Variants in DYNC2I2 observed in about 807,000 individuals in gnomAD.
DYNC2I2 encodes the protein cytoplasmic dynein 2 intermediate chain 2.
Under a neutral mutation model 52.0 loss-of-function variants are expected in DYNC2I2, and 39 were observed. The ratio of observed to expected loss-of-function variants is 0.75; its 90% CI spans 0.58 to 0.98. The LOEUF is 0.98. Among genes scored for constraint, DYNC2I2 ranks in the 50% least tolerant of loss-of-function variants. The pLI is 0.00. For synonymous variants in DYNC2I2, 359 were observed against 321.1 expected (o/e 1.12, Z -1.26); for missense variants, 743 against 728.4 (o/e 1.02, Z -0.23).
chr9:128,641,275 G>A (rs80010336), intron 1 of DYNC2I2, among the ~76,000 whole-genome samples: 40 of 152,160 alleles, frequency 2.6e-4, no homozygotes, highest in East Asian at 2.1e-3. Flanking sequence ...CTGAAGATGC[G>A]GAGGGCAGGC....
chr9:128,635,539 C>G, intron 5 of DYNC2I2, 119 bp downstream of exon 5: 3 of 975,512 alleles, frequency 3.1e-6, no homozygotes, highest in Non-Finnish European at 4.6e-6. Flanking sequence ...GCGGGAGCTC[C>G]GAGAATGCAG....
the DYNC2I2 span, among the ~76,000 whole-genome samples, chr9:128,667,880 G>A: frequency 3.6e-5 from 5 of 140,652 alleles, no homozygotes; most frequent in East Asian, 2.1e-4. Flanking sequence ...CTACAGGTGC[G>A]TGCCATCATG....
rs1000465960 is a variant in DYNC2I2 at position 128,654,431 on chromosome 9, C to G, written c.186+2110G>C. On this transcript the variant is annotated intron_variant, in intron 1 of 8. Transcript: ENST00000372715. ...CTTACAATACTCTGACAGCCCCCAC[C>G]TGACCTGCCTTTCCTTTCCTTACCC... is the stretch of plus-strand genomic sequence containing the variant. Among the ~76,000 whole-genome samples the G allele has an allele frequency of 1.1e-4, 17 of 152,268 alleles. No individual in the cohort carries two copies. In the South Asian group the frequency reaches 2.3e-3, roughly 20 times the overall value.
the DYNC2I2 span, among the ~76,000 whole-genome samples, chr9:128,672,500 T>TAA: frequency 9.3e-5 from 12 of 128,512 alleles, no homozygotes; most frequent in Admixed American, 2.5e-4. Context: ...ACCCTGTCTC[T>TAA]AAAAAAAAAA....
chr9:128,668,523 C>CT, the DYNC2I2 span, among the ~76,000 whole-genome samples: 1 of 140,824 alleles, frequency 7.1e-6, no homozygotes, highest in Non-Finnish European at 1.5e-5. Context: ...TGAGACCATT[C>CT]TAAAAAAAAA....
At position 128,633,937 on chromosome 9, in the gene DYNC2I2, G is replaced by A. The variant is rs776239183; in HGVS notation, c.1418C>T (p.Thr473Ile). The A allele has an allele frequency of 1.2e-6, 2 of 1,612,968 alleles. No individual in the cohort carries two copies. The highest frequency in any genetic ancestry group is 1.6e-4 in the Middle Eastern group (1 of 6,062). ...FDLQKSSQKP[T>I]VLIKQTQDES... is the part of the protein sequence containing the mutation. ...ATCCTGGGTTTGCTTGATCAAAACT[G>A]TGGGTTTCTGGGAGCTTTTCTGGAG... The change falls in exon 9 of 9, where the codon ACA (threonine) becomes ATA (isoleucine). Residue 473 changes from threonine to isoleucine, a missense_variant. Transcript: ENST00000372715.
Position 128,633,906 on chromosome 9 carries a change from G to T in DYNC2I2, c.1449C>A (p.Ser483Arg), listed in dbSNP as rs1445564979. 4 of 1,613,370 alleles carry T rather than the reference G, an allele frequency of 2.5e-6. No individual in the cohort carries two copies. The highest frequency in any genetic ancestry group is 1.7e-5 in the Admixed American group (1 of 60,026). The change falls in exon 9 of 9, where the codon AGC becomes AGA. Residue 483 changes from serine to arginine, a missense_variant. Transcript: ENST00000372715. ...TVLIKQTQDE[S>R]PVYCLEFNSQ... Reference sequence around the variant, plus strand: ...TGTTGAACTCCAGACAGTAGACAGGGCTTTCATCCTGGGTTTGCTTGATCA... The same window carrying T: ...TGTTGAACTCCAGACAGTAGACAGGTCTTTCATCCTGGGTTTGCTTGATCA...
chr9:128,655,905 T>C (rs555092583), intron 1 of DYNC2I2, among the ~76,000 whole-genome samples: 3 of 97,502 alleles, frequency 3.1e-5, no homozygotes, highest in East Asian at 3.0e-4. Flanking sequence ...AGCGAGACTG[T>C]CTCAAAAAAA....
At chr9:128,659,214 TA>T (rs1008320084), upstream of DYNC2I2, among the ~76,000 whole-genome samples, 5 of 151,674 alleles carry the variant, frequency 3.3e-5, no homozygotes, top group Non-Finnish European at 4.4e-5. Context: ...AGGGACTTTT[TA>T]AAAACTCATT....
chr9:128,648,465 G>A (rs1032974901), intron 1 of DYNC2I2, among the ~76,000 whole-genome samples: 4 of 151,516 alleles, frequency 2.6e-5, no homozygotes, highest in Non-Finnish European at 4.4e-5. Flanking sequence ...GGCCGGGCCC[G>A]ACCAAGCCAG....
chr9:128,682,542 G>A, the DYNC2I2 span, among the ~76,000 whole-genome samples: 16 of 151,988 alleles, frequency 1.1e-4, no homozygotes, highest in African/African-American at 3.9e-4. Flanking sequence ...GCCAGGCATG[G>A]TGGTGACGTC....
At chr9:128,643,150 T>C (rs893783394) in intron 1 of DYNC2I2, among the ~76,000 whole-genome samples, 2 of 151,938 alleles carry the variant, frequency 1.3e-5, no homozygotes, top group Non-Finnish European at 1.5e-5. Context: ...TTTGGGAGGC[T>C]GAAGCAAGAG....
upstream of DYNC2I2, among the ~76,000 whole-genome samples, chr9:128,657,744 C>T (rs556347565): frequency 3.9e-5 from 6 of 152,172 alleles, no homozygotes; most frequent in East Asian, 1.2e-3. Flanking sequence ...TAGTTTGAGG[C>T]TGCAGTGAGC....
At chr9:128,669,649 A>C in the DYNC2I2 span, among the ~76,000 whole-genome samples, 1 of 152,186 alleles carries the variant, frequency 6.6e-6, no homozygotes, top group Non-Finnish European at 1.5e-5. Context: ...GTGAGCCGAC[A>C]TCGCACTATT....
chr9:128,636,159 A>G, intron 4 of DYNC2I2, 122 bp downstream of exon 4: 1 of 1,420,624 alleles, frequency 7.0e-7, no homozygotes, highest in Non-Finnish European at 9.7e-7. Flanking sequence ...CCAGACTGAG[A>G]GGGTCAGGGC....
Position 128,635,942 on chromosome 9 carries a change from C to A in DYNC2I2, c.704-175G>T, listed in dbSNP as rs999909365. 1.3e-5 allele frequency: 9 copies of A among 689,506 alleles called. No individual in the cohort carries two copies. The Admixed American group carries it at 1.8e-4, about 14-fold the overall frequency. 42.7% of individuals were successfully genotyped at this position (689,506 alleles called of 1,614,324 possible). On this transcript the variant is annotated intron_variant, in intron 4 of 8. Coordinates refer to ENST00000372715, the MANE Select transcript of DYNC2I2 (RefSeq NM_052844.4). ...CCTAGCCCCCAGCTCCCCTGTTGTA[C>A]CCCAGGGAGCTTTGCCGGACACCCC...
At chr9:128,657,763 C>T (rs538354862), upstream of DYNC2I2, among the ~76,000 whole-genome samples, 4 of 152,142 alleles carry the variant, frequency 2.6e-5, no homozygotes, top group African/African-American at 7.2e-5. Flanking sequence ...GCTATGATTA[C>T]ACCACTACAC....
intron 8 of DYNC2I2, 43 bp from the exon 9 acceptor site, chr9:128,634,025 G>C: frequency 1.3e-5 from 21 of 1,604,566 alleles, no homozygotes; most frequent in Non-Finnish European, 1.8e-5. Context: ...AAACTCTAGA[G>C]ACCAACCACA....
At chr9:128,674,197 G>A in the DYNC2I2 span, among the ~76,000 whole-genome samples, 2 of 151,358 alleles carry the variant, frequency 1.3e-5, no homozygotes, top group Non-Finnish European at 2.9e-5. Flanking sequence ...GTGCAGTGGC[G>A]TAATCTCGGC....
Sources: allele counts gnomAD v4.1 joint callset (sites outside exome capture counted in the v4.1 genomes callset), GRCh38; gene constraint gnomAD v4.1.1; transcripts MANE v1.5; gene names NCBI Gene and HGNC (gene_info 2026-07-23, HGNC 2026-07-21).